Variants in ASB2 observed in about 807,000 individuals in gnomAD.
ASB2 encodes the protein ankyrin repeat and SOCS box protein 2.
In ASB2, 58 loss-of-function variants were observed where a neutral mutation model predicts 62.4. The observed-to-expected ratio is 0.93, with a 90% confidence interval of 0.75 to 1.16. The LOEUF (loss-of-function observed/expected upper bound fraction) is 1.16. ASB2 is among the 50% of genes most tolerant of loss of function. ASB2 has a pLI of 0.00. For synonymous variants in ASB2, 386 were observed against 385.3 expected (o/e 1.00, Z -0.02); for missense variants, 928 against 887.9 (o/e 1.05, Z -0.57).
intron 2 of ASB2, among the ~76,000 whole-genome samples, chr14:93,961,870 A>G (rs1889416699): frequency 6.6e-6 from 1 of 152,194 alleles, no homozygotes. Context: ...GGGTAGGGGA[A>G]GGAAACAGAG....
At chr14:93,969,634 C>A (rs1201996402) in intron 1 of ASB2, among the ~76,000 whole-genome samples, 2 of 152,136 alleles carry the variant, frequency 1.3e-5, no homozygotes, top group African/African-American at 4.8e-5. Context: ...TGATTGGAAT[C>A]AAAAATAGCC....
At chr14:93,955,069 GCTTC>G (rs752792095) in intron 3 of ASB2, 3 of 456,728 alleles carry the variant, frequency 6.6e-6, no homozygotes, top group Admixed American at 2.3e-5. Context: ...TTCATTCATT[GCTTC>G]CTTCCTTCCT....
At chr14:93,935,016 G>A (rs1489304308) in intron 9 of ASB2, among the ~76,000 whole-genome samples, 1 of 152,130 alleles carries the variant, frequency 6.6e-6, no homozygotes, top group Non-Finnish European at 1.5e-5. Context: ...AGTGCACAGC[G>A]TGGTTAGCAC....
At chr14:93,946,856 G>A (rs1888743205) in intron 7 of ASB2, among the ~76,000 whole-genome samples, 2 of 152,160 alleles carry the variant, frequency 1.3e-5, no homozygotes, top group Admixed American at 6.5e-5. Context: ...TGCCTGGGAG[G>A]TTATCCTTGC....
intron 1 of ASB2, among the ~76,000 whole-genome samples, chr14:93,970,376 C>T (rs1465725282): frequency 1.3e-5 from 2 of 152,110 alleles, no homozygotes; most frequent in Admixed American, 1.3e-4. Context: ...TGCTCGTCAG[C>T]CTACCCTGCC....
chr14:93,961,098 C>A (rs116142342), intron 2 of ASB2, among the ~76,000 whole-genome samples: 1 of 152,200 alleles, frequency 6.6e-6, no homozygotes, highest in East Asian at 1.9e-4. Flanking sequence ...CAGAGGCCAT[C>A]ATGAGATTGG....
intron 2 of ASB2, among the ~76,000 whole-genome samples, chr14:93,964,086 G>T (rs376051224): frequency 1.3e-5 from 2 of 152,178 alleles, no homozygotes; most frequent in Non-Finnish European, 2.9e-5. Flanking sequence ...TTTTAAATGG[G>T]TCTATAACCC....
At chr14:93,956,733 G>A in intron 3 of ASB2, 33 bp downstream of exon 3, 4 of 1,613,148 alleles carry the variant, frequency 2.5e-6, no homozygotes, top group Non-Finnish European at 3.4e-6. Context: ...GAGTGAACTT[G>A]GATGGTCCTG....
intron 1 of ASB2, among the ~76,000 whole-genome samples, chr14:93,969,198 C>G (rs1294383527): frequency 6.6e-6 from 1 of 152,198 alleles, no homozygotes; most frequent in Non-Finnish European, 1.5e-5. Context: ...CGGGCCGCTT[C>G]AGGACAGGAA....
At position 93,934,295 on chromosome 14, in the gene ASB2, G is replaced by A. The variant is rs1888192861; in HGVS notation, c.*361C>T. On this transcript the variant is annotated 3_prime_UTR_variant, in exon 10 of 10. Transcript: ENST00000555019. ...AGAAAGCTCTGAAGTCAAGTGGTGA[G>A]TTTTCCAGAACAAGTGGAGGGGCAC... The A allele has an allele frequency of 4.3e-6, 2 of 463,982 alleles. No individual in the cohort carries two copies. Among genetic ancestry groups the A allele is most frequent in the Non-Finnish European group, 8.5e-6 (2 of 235,316 alleles). 28.7% of individuals were successfully genotyped at this position (463,982 alleles called of 1,614,324 possible).
At chr14:93,950,396 A>G (rs1416645716) in intron 6 of ASB2, among the ~76,000 whole-genome samples, 1 of 152,144 alleles carries the variant, frequency 6.6e-6, no homozygotes, top group Non-Finnish European at 1.5e-5. Context: ...GTATTGTGTT[A>G]TTTTCTCCCA....
At position 93,956,626 on chromosome 14, in the gene ASB2, C is replaced by G. The variant is rs147884891; in HGVS notation, c.311+140G>C. 4.3e-3 allele frequency: 5,058 copies of G among 1,163,366 alleles called. 12 individuals are homozygous for G. Among genetic ancestry groups the G allele is most frequent in the Non-Finnish European group, 5.1e-3 (4,136 of 807,088 alleles). 72.1% of individuals were successfully genotyped at this position (1,163,366 alleles called of 1,614,324 possible). On this transcript the variant is annotated intron_variant, in intron 3 of 9. Coordinates refer to ENST00000555019, the MANE Select transcript of ASB2 (RefSeq NM_001202429.2). ...GCAGTGGGGCCCCAGGGGGGCACCC[C>G]TAGAAGGAGCGTGCCTGGCAGGTGC...
intron 1 of ASB2, among the ~76,000 whole-genome samples, chr14:93,972,136 G>A (rs941490): frequency 0.52 from 77,677 of 150,818 alleles, 20,305 homozygotes; most frequent in African/African-American, 0.57. Context: ...CACATGACCC[G>A]TAGCTAAGGC....
intron 7 of ASB2, among the ~76,000 whole-genome samples, chr14:93,944,772 T>G (rs540659693): frequency 5.9e-5 from 9 of 152,292 alleles, no homozygotes; most frequent in African/African-American, 1.9e-4. Flanking sequence ...GGAATCCACG[T>G]GAATCCAAGG....
At chr14:93,952,904 A>G (rs1237406380) in intron 5 of ASB2, among the ~76,000 whole-genome samples, 1 of 152,240 alleles carries the variant, frequency 6.6e-6, no homozygotes, top group Non-Finnish European at 1.5e-5. Flanking sequence ...TTTTTCTTAA[A>G]CAAATGTCCC....
chr14:93,975,002 G>A (rs1009402409), intron 1 of ASB2, among the ~76,000 whole-genome samples: 1 of 152,236 alleles, frequency 6.6e-6, no homozygotes, highest in African/African-American at 2.4e-5. Flanking sequence ...GCTGCTGCCA[G>A]CTTCTTGGGG....
chr14:93,939,616 A>G lies in ASB2; in HGVS notation c.1109T>C (p.Val370Ala), dbSNP rs1392452431. ...TSRTRIRRSG[V>A]SPLHLAAERN... is the part of the protein sequence containing the mutation. Reference sequence around the variant, plus strand: ...CTCGGCCGCCAGGTGCAGCGGACTGACGCCGCTACGGCGTATGCGCGTGCG... The same window carrying G: ...CTCGGCCGCCAGGTGCAGCGGACTGGCGCCGCTACGGCGTATGCGCGTGCG... Residue 370 changes from valine (V) to alanine (A), a missense_variant, in exon 8 of 10, where the codon GTC (valine) becomes GCC (alanine). Coordinates refer to ENST00000555019, the MANE Select transcript of ASB2 (RefSeq NM_001202429.2). The G allele has an allele frequency of 8.4e-6, 13 of 1,551,626 alleles. No homozygotes were observed. The highest frequency in any genetic ancestry group is 1.1e-5 in the Non-Finnish European group (13 of 1,156,072).
Position 93,934,659 on chromosome 14 carries a change from C to G in ASB2, c.1905G>C (p.Gln635His). ...LIRYLKYENT[Q>H] Reference sequence around the variant, plus strand: ...TCCTCTCTCCCCGTGGCCCCAGTTACTGGGTGTTCTCGTATTTCAGGTATC... The same window carrying G: ...TCCTCTCTCCCCGTGGCCCCAGTTAGTGGGTGTTCTCGTATTTCAGGTATC... Residue 635 changes from glutamine (Q) to histidine (H), a missense_variant, in exon 10 of 10, where the codon CAG (glutamine) becomes CAC (histidine). Coordinates refer to ENST00000555019, the MANE Select transcript of ASB2 (RefSeq NM_001202429.2). 6.2e-7 allele frequency: 1 copy of G among 1,614,126 alleles called. No individual in the cohort carries two copies. Among genetic ancestry groups the G allele is most frequent in the Non-Finnish European group, 8.5e-7 (1 of 1,179,994 alleles).
At chr14:93,938,963 C>A in intron 8 of ASB2, 145 bp downstream of exon 8, 1 of 735,480 alleles carries the variant, frequency 1.4e-6, no homozygotes. Flanking sequence ...AAGCTGGCCC[C>A]ACTTCCCCCG....
Sources: gnomAD v4.1 joint callset for allele counts (sites outside exome capture counted in the v4.1 genomes callset) on GRCh38, gnomAD v4.1.1 for gene constraint, MANE v1.5 for transcripts, NCBI Gene and HGNC (gene_info 2026-07-23, HGNC 2026-07-21) for gene names.